Variants in MRPS28 observed in about 807,000 individuals in gnomAD.
The protein encoded by MRPS28 is mitochondrial ribosomal protein S28, also known as small ribosomal subunit protein bS1m.
Under a neutral mutation model 10.8 loss-of-function variants are expected in MRPS28, and 7 were observed. The ratio of observed to expected loss-of-function variants is 0.65; its 90% CI spans 0.37 to 1.22. The LOEUF (loss-of-function observed/expected upper bound fraction) is 1.22. MRPS28 is among the 50% of genes most tolerant of loss of function. The pLI is 0.02. For missense variants in MRPS28, 265 were observed against 232.9 expected, an observed-to-expected ratio of 1.14 and a Z score of -0.90; for synonymous variants, 121 against 93.3, an observed-to-expected ratio of 1.30 and a Z score of -1.71.
Position 79,980,892 on chromosome 8 carries a change from C to T in MRPS28, c.395+22107G>A, listed in dbSNP as rs566368839. ...TGCTGCTGCTGCTACCAGTCATCAA[C>T]ACCATCGTCACCATCACTACCATTA... On this transcript the variant is annotated intron_variant, in intron 2 of 2. Coordinates refer to ENST00000276585, the MANE Select transcript of MRPS28 (RefSeq NM_014018.3). 3.3e-5 allele frequency among the ~76,000 whole-genome samples: 5 copies of T among 152,338 alleles called. No homozygotes were observed. The South Asian group carries it at 1.0e-3, about 32-fold the overall frequency.
At chr8:79,941,985 A>G (rs561245320) in intron 2 of MRPS28, among the ~76,000 whole-genome samples, 1 of 152,328 alleles carries the variant, frequency 6.6e-6, no homozygotes, top group Middle Eastern at 3.4e-3. Context: ...ACTTAACTTA[A>G]TGTAGTCAGA....
chr8:79,967,813 C>G (rs1376675431), intron 2 of MRPS28, among the ~76,000 whole-genome samples: 1 of 152,050 alleles, frequency 6.6e-6, no homozygotes, highest in Non-Finnish European at 1.5e-5. Context: ...CCCCAAGAAG[C>G]TGACGGGTCA....
intron 2 of MRPS28, among the ~76,000 whole-genome samples, chr8:79,989,224 T>C (rs1361976232): frequency 6.6e-6 from 1 of 152,090 alleles, no homozygotes; most frequent in African/African-American, 2.4e-5. Flanking sequence ...TACCAAACTA[T>C]CTAGAAAAAA....
chr8:80,020,381 A>G (rs1484817369), intron 1 of MRPS28, among the ~76,000 whole-genome samples: 2 of 152,160 alleles, frequency 1.3e-5, no homozygotes, highest in African/African-American at 4.8e-5. Context: ...TTAACTTTGG[A>G]ACGCCCTTGG....
At chr8:79,959,891 A>G (rs1459106592) in intron 2 of MRPS28, among the ~76,000 whole-genome samples, 1 of 152,150 alleles carries the variant, frequency 6.6e-6, no homozygotes, top group East Asian at 1.9e-4. Context: ...AGAAAGCAAC[A>G]ATAAACTATG....
At chr8:80,029,875 C>A (rs769444150) in intron 1 of MRPS28, 161 bp downstream of exon 1, 1 of 1,536,016 alleles carries the variant, frequency 6.5e-7, no homozygotes, top group East Asian at 2.4e-5. Flanking sequence ...AGCACAGATT[C>A]TAGGGGCCGA....
intron 2 of MRPS28, among the ~76,000 whole-genome samples, chr8:79,987,802 A>T (rs1352034276): frequency 1.3e-5 from 2 of 152,218 alleles, no homozygotes; most frequent in African/African-American, 4.8e-5. Flanking sequence ...GATGTGGAGA[A>T]ATAGGAACAC....
intron 1 of MRPS28, among the ~76,000 whole-genome samples, chr8:80,017,605 TTA>T (rs1809230433): frequency 1.3e-5 from 2 of 152,150 alleles, no homozygotes; most frequent in South Asian, 4.1e-4. Context: ...AAATCAGTAA[TTA>T]ATATACTTCC....
intron 1 of MRPS28, among the ~76,000 whole-genome samples, chr8:80,005,223 G>A (rs1413812265): frequency 6.6e-6 from 1 of 152,142 alleles, no homozygotes; most frequent in Non-Finnish European, 1.5e-5. Context: ...AAAATGTTAA[G>A]GGCAGCCAGA....
intron 2 of MRPS28, among the ~76,000 whole-genome samples, chr8:79,974,050 A>T (rs969108926): frequency 1.3e-5 from 2 of 152,040 alleles, no homozygotes; most frequent in African/African-American, 2.4e-5. Context: ...TGGCCTAGAA[A>T]TCTGAATTTT....
At chr8:79,953,366 C>T (rs556532136) in intron 2 of MRPS28, among the ~76,000 whole-genome samples, 60 of 152,166 alleles carry the variant, frequency 3.9e-4, no homozygotes, top group Non-Finnish European at 5.9e-4. Flanking sequence ...TAAGATAATA[C>T]GATATTGGTT....
At chr8:79,996,328 T>C (rs1808500915) in intron 2 of MRPS28, among the ~76,000 whole-genome samples, 1 of 152,214 alleles carries the variant, frequency 6.6e-6, no homozygotes, top group South Asian at 2.1e-4. Context: ...CTAGACCTGA[T>C]AGTTATTAGC....
At chr8:79,982,439 C>T (rs1051279454) in intron 2 of MRPS28, among the ~76,000 whole-genome samples, 11 of 152,186 alleles carry the variant, frequency 7.2e-5, no homozygotes, top group Admixed American at 2.0e-4. Flanking sequence ...GCGCACCGTG[C>T]GTGAGCCGAA....
At chr8:79,941,800 G>A (rs934049401) in intron 2 of MRPS28, among the ~76,000 whole-genome samples, 2 of 152,186 alleles carry the variant, frequency 1.3e-5, no homozygotes, top group African/African-American at 4.8e-5. Context: ...TAGATCTAAA[G>A]AGAAGGTAGG....
intron 1 of MRPS28, chr8:80,029,815 C>T: frequency 6.5e-7 from 1 of 1,530,288 alleles, no homozygotes; most frequent in Non-Finnish European, 8.7e-7. Flanking sequence ...CAGACCCGGC[C>T]CAGTACGCAA....
intron 2 of MRPS28, among the ~76,000 whole-genome samples, chr8:79,979,915 CAAAAAAAAAAA>C (rs61633169): frequency 1.1e-3 from 35 of 31,360 alleles, no homozygotes; most frequent in East Asian, 4.8e-3. Flanking sequence ...GATTCTCACG[CAAAAAAAAAAA>C]AAAAAAAAAA....
At chr8:79,982,523 TGACA>T (rs1319490528) in intron 2 of MRPS28, among the ~76,000 whole-genome samples, 1 of 151,818 alleles carries the variant, frequency 6.6e-6, no homozygotes, top group Non-Finnish European at 1.5e-5. Context: ...AAGAAGGGGG[TGACA>T]GACAGCACCT....
intron 2 of MRPS28, among the ~76,000 whole-genome samples, chr8:79,992,837 T>C (rs1354930901): frequency 6.6e-6 from 1 of 152,178 alleles, no homozygotes; most frequent in Non-Finnish European, 1.5e-5. Context: ...TAAGCCTTAG[T>C]TTCTTCAGTG....
intron 2 of MRPS28, among the ~76,000 whole-genome samples, chr8:79,983,846 C>T (rs1269099699): frequency 6.6e-6 from 1 of 152,186 alleles, no homozygotes; most frequent in Non-Finnish European, 1.5e-5. Flanking sequence ...TTGGAAAACA[C>T]TCTGCAGGAT....
Sources: gnomAD v4.1 joint callset for allele counts (sites outside exome capture counted in the v4.1 genomes callset) on GRCh38, gnomAD v4.1.1 for gene constraint, MANE v1.5 for transcripts, NCBI Gene and HGNC (gene_info 2026-07-23, HGNC 2026-07-21) for gene names.